The following GATAD2A variants were observed in gnomAD, a reference collection of about 807,000 sequenced individuals.
GATAD2A encodes GATA zinc finger domain containing 2A, also known as transcriptional repressor p66-alpha.
In GATAD2A, 12 loss-of-function variants were observed where a neutral mutation model predicts 68.5. The ratio of observed to expected loss-of-function variants is 0.18; its 90% confidence interval spans 0.11 to 0.28. The LOEUF is 0.28. Ranked by LOEUF, GATAD2A falls within the 10% of genes least tolerant of loss-of-function variation. GATAD2A has a pLI of 1.00. For synonymous variants in GATAD2A, 410 were observed against 375.3 expected (o/e 1.09, Z -1.07); for missense variants, 755 against 868.5 (o/e 0.87, Z 1.64).
intron 2 of GATAD2A, among the ~76,000 whole-genome samples, chr19:19,471,862 G>C (rs2058337517): frequency 6.6e-6 from 1 of 152,212 alleles, no homozygotes. Context: ...TGGACTGTCA[G>C]ATGAGGCTGG....
intron 2 of GATAD2A, among the ~76,000 whole-genome samples, chr19:19,473,123 TC>T (rs961019733): frequency 1.3e-5 from 2 of 152,172 alleles, no homozygotes; most frequent in East Asian, 1.9e-4. Context: ...TGGCAAGTTG[TC>T]CCCGTTAGTG....
intron 2 of GATAD2A, among the ~76,000 whole-genome samples, chr19:19,488,624 T>C (rs2059593205): frequency 1.3e-5 from 2 of 152,184 alleles, no homozygotes; most frequent in Admixed American, 1.3e-4. Context: ...CTCCAGGAAA[T>C]TCTATGGAAG....
At chr19:19,446,477 A>G (rs938997382) in intron 1 of GATAD2A, among the ~76,000 whole-genome samples, 5 of 149,362 alleles carry the variant, frequency 3.3e-5, no homozygotes, top group South Asian at 4.2e-4. Flanking sequence ...TTCCCATTCT[A>G]TGGGTGTTTT....
At chr19:19,386,344 T>TCGCCTCTCTTGGGGACACACC (rs1490163513) in intron 1 of GATAD2A, among the ~76,000 whole-genome samples, 1 of 142,450 alleles carries the variant, frequency 7.0e-6, no homozygotes, top group African/African-American at 2.7e-5. Context: ...TTAGGGACCC[T>TCGCCTCTCTTGGGGACACACC]CGCCTCTCTT....
At position 19,502,494 on chromosome 19, in the gene GATAD2A, C is replaced by T. The variant is rs774088762; in HGVS notation, c.1742C>T (p.Thr581Ile). The T allele has an allele frequency of 6.2e-7, 1 of 1,613,020 alleles. No individual in the cohort carries two copies. Among genetic ancestry groups the T allele is most frequent in the Non-Finnish European group, 8.5e-7 (1 of 1,179,754 alleles). The change falls in exon 11 of 12, where the codon ACC becomes ATC. Residue 581 changes from threonine to isoleucine, a missense_variant. Transcript: ENST00000683918. ...GTGAGCGCCGGCAAGGGCAGCGCCA[C>T]CTCCAACTGGAAGAAGACGCCCCTC... is the stretch of plus-strand genomic sequence containing the variant. ...RTVSAGKGSA[T>I]SNWKKTPLST...
At chr19:19,461,884 G>A (rs2057459914) in intron 1 of GATAD2A, among the ~76,000 whole-genome samples, 1 of 152,206 alleles carries the variant, frequency 6.6e-6, no homozygotes, top group Non-Finnish European at 1.5e-5. Flanking sequence ...TGGGCACACT[G>A]CTGTTGGGAT....
At chr19:19,497,051 A>G (rs1308846382) in intron 7 of GATAD2A, among the ~76,000 whole-genome samples, 1 of 152,050 alleles carries the variant, frequency 6.6e-6, no homozygotes, top group Non-Finnish European at 1.5e-5. Context: ...TTTTTTGGAG[A>G]CAGTCTTGCT....
At chr19:19,431,523 G>A (rs188389572) in intron 1 of GATAD2A, among the ~76,000 whole-genome samples, 3 of 151,040 alleles carry the variant, frequency 2.0e-5, no homozygotes, top group Admixed American at 6.6e-5. Flanking sequence ...GTGAAACCCC[G>A]TCTCTAATAA....
Position 19,421,224 on chromosome 19 carries a change from G to C in GATAD2A, c.-7+15205G>C, listed in dbSNP as rs141608167. 2.1e-3 allele frequency among the ~76,000 whole-genome samples: 320 copies of C among 152,302 alleles called. 2 individuals are homozygous for C. Among genetic ancestry groups the C allele is most frequent in the South Asian group, 0.016 (78 of 4,828 alleles). ...GGTTAGGTAGGGTCTGGATCTGCTTGAGGTGGCTTGAGATAGAGGGAGGGA... is the reference window on the plus strand; with the variant it reads ...GGTTAGGTAGGGTCTGGATCTGCTTCAGGTGGCTTGAGATAGAGGGAGGGA... On this transcript the variant is annotated intron_variant, in intron 1 of 11. Coordinates refer to ENST00000683918, the MANE Select transcript of GATAD2A (RefSeq NM_001384528.1).
intron 9 of GATAD2A, 95 bp downstream of exon 9, chr19:19,501,511 C>T (rs2060520280): frequency 6.2e-6 from 6 of 973,048 alleles, no homozygotes; most frequent in Non-Finnish European, 8.9e-6. Context: ...TGATTGTTAA[C>T]TGCACGTCTA....
intron 2 of GATAD2A, among the ~76,000 whole-genome samples, chr19:19,486,209 T>C (rs1420344089): frequency 6.6e-6 from 1 of 152,250 alleles, no homozygotes; most frequent in Non-Finnish European, 1.5e-5. Context: ...GCTCCCACTC[T>C]TTCCTCAGAA....
rs535963908 is a variant in GATAD2A at position 19,491,592 on chromosome 19, T to C, written c.270-714T>C. Among the ~76,000 whole-genome samples the C allele has an allele frequency of 7.9e-5, 12 of 152,236 alleles. No individual in the cohort carries two copies. The South Asian group carries it at 2.5e-3, about 32-fold the overall frequency. On this transcript the variant is annotated intron_variant, in intron 2 of 11. Transcript: ENST00000683918. ...CCAGTCCATGAGTAGATCAGGCAGG[T>C]GAAGAGTCTCTGGTCTTTGAGAGAA...
chr19:19,389,295 T>C (rs556730707), intron 1 of GATAD2A, among the ~76,000 whole-genome samples: 2 of 152,286 alleles, frequency 1.3e-5, no homozygotes, highest in South Asian at 4.1e-4. Flanking sequence ...TTGACTGAAG[T>C]AGAGTTCTGA....
upstream of GATAD2A, among the ~76,000 whole-genome samples, chr19:19,401,290 T>C (rs549157144): frequency 7.0e-6 from 1 of 143,144 alleles, no homozygotes; most frequent in Non-Finnish European, 1.5e-5. Context: ...CTTGGCTCAC[T>C]GCAAGCTCCG....
At chr19:19,474,227 G>A (rs1436860713) in intron 2 of GATAD2A, 5 of 921,224 alleles carry the variant, frequency 5.4e-6, no homozygotes, top group African/African-American at 1.8e-5. Flanking sequence ...GGGTGAGGTC[G>A]ACACTGGAAT....
intron 1 of GATAD2A, among the ~76,000 whole-genome samples, chr19:19,453,703 G>A (rs774766680): frequency 1.3e-5 from 2 of 149,944 alleles, no homozygotes; most frequent in African/African-American, 2.5e-5. Context: ...TTGAGACGGA[G>A]TCTTGCTCCG....
chr19:19,493,747 G>A (rs1028533947), intron 4 of GATAD2A, among the ~76,000 whole-genome samples: 25 of 16,972 alleles, frequency 1.5e-3, no homozygotes, highest in Non-Finnish European at 2.3e-3. Flanking sequence ...CCCCCTCCCC[G>A]CCCCCCACCT....
intron 1 of GATAD2A, among the ~76,000 whole-genome samples, chr19:19,390,255 T>C (rs1346107114): frequency 6.6e-6 from 1 of 152,086 alleles, no homozygotes; most frequent in Non-Finnish European, 1.5e-5. Context: ...AATGTGTGTG[T>C]CAAGTTGCTT....
At chr19:19,385,961 G>T (rs979928001) in exon 1 of GATAD2A, 13 of 148,494 alleles carry the variant, frequency 8.8e-5, no homozygotes, top group African/African-American at 3.2e-4. Flanking sequence ...AGCGCGCCCC[G>T]CGCCGCCCGC....
Sources: gnomAD v4.1 joint callset for allele counts (sites outside exome capture counted in the v4.1 genomes callset) on GRCh38, gnomAD v4.1.1 for gene constraint, MANE v1.5 for transcripts, NCBI Gene and HGNC (gene_info 2026-07-23, HGNC 2026-07-21) for gene names.